Variants in EPRS1 observed in about 807,000 individuals in gnomAD.
EPRS1 encodes the protein glutamyl-prolyl-tRNA synthetase 1, also known as bifunctional glutamate/proline--tRNA ligase.
EPRS1 carries 107 observed loss-of-function variants against 188.3 expected under a neutral mutation model. That is an observed-to-expected ratio of 0.57 (90% confidence interval 0.49 to 0.67). The LOEUF is 0.67. Among genes scored for constraint, EPRS1 ranks in the 30% least tolerant of loss-of-function variants. The pLI, the probability that EPRS1 is intolerant of heterozygous loss-of-function variation, is 0.00. For missense variants in EPRS1, 1,577 were observed against 1,802.2 expected (o/e 0.88, Z 2.26); for synonymous variants, 596 against 593.1 (o/e 1.00, Z -0.07).
chr1:220,020,016 A>G lies in EPRS1; in HGVS notation c.1321T>C (p.Phe441Leu). 6.2e-7 allele frequency: 1 copy of G among 1,613,576 alleles called. No individual in the cohort carries two copies. The highest frequency in any genetic ancestry group is 8.5e-7 in the Non-Finnish European group (1 of 1,179,518). ...TVLSKRKLTW[F>L]VNEGLVDGWD... ...CCATCTACTAGTCCTTCATTGACAA[A>G]CCATGTGAGTTTTCTTTTGGATAGC... Residue 441 changes from phenylalanine (F) to leucine (L), a missense_variant, in exon 10 of 32, where the codon TTT becomes CTT. Coordinates refer to ENST00000366923, the MANE Select transcript of EPRS1 (RefSeq NM_004446.3).
intron 30 of EPRS1, among the ~76,000 whole-genome samples, chr1:219,970,151 A>T (rs2102557059): frequency 6.6e-6 from 1 of 152,308 alleles, no homozygotes; most frequent in Non-Finnish European, 1.5e-5. Flanking sequence ...CCCAGTTGTG[A>T]ATGCTAATTT....
chr1:220,046,063 G>T (rs987293542), intron 1 of EPRS1, among the ~76,000 whole-genome samples: 3 of 152,198 alleles, frequency 2.0e-5, no homozygotes, highest in African/African-American at 7.2e-5. Context: ...TCATCCCTCT[G>T]AGAAAAAGAT....
chr1:220,013,064 A>G (rs184565487), intron 12 of EPRS1, among the ~76,000 whole-genome samples: 1 of 152,348 alleles, frequency 6.6e-6, no homozygotes, highest in East Asian at 1.9e-4. Flanking sequence ...ACATTTTAAA[A>G]CTAAAGCAGT....
intron 30 of EPRS1, among the ~76,000 whole-genome samples, chr1:219,969,559 C>T (rs1043568021): frequency 6.6e-6 from 1 of 151,294 alleles, no homozygotes; most frequent in African/African-American, 2.4e-5. Flanking sequence ...CAACAATTAA[C>T]AATCACGCAA....
At chr1:220,025,798 T>A (rs77692582) in intron 6 of EPRS1, among the ~76,000 whole-genome samples, 5 of 151,524 alleles carry the variant, frequency 3.3e-5, no homozygotes, top group Admixed American at 1.3e-4. Flanking sequence ...AATAAAAGTT[T>A]TTTTTTTTTT....
rs1662405396 is a variant in EPRS1 at position 220,046,459 on chromosome 1, GGAA to G, written c.-74_-72del. On this transcript the variant is annotated 5_prime_UTR_variant, in exon 1 of 32. Coordinates refer to ENST00000366923, the MANE Select transcript of EPRS1 (RefSeq NM_004446.3). ...CAGAACTACGGAGGACCCCGCGAAA[GGAA>G]GAAGATGCAACGTGTGCGCGTACCC... 3.1e-6 allele frequency: 5 copies of G among 1,596,094 alleles called. No homozygotes were observed. The highest frequency in any genetic ancestry group is 1.1e-5 in the South Asian group (1 of 89,104).
chr1:219,980,726 A>G, intron 25 of EPRS1, 30 bp downstream of exon 25: 1 of 1,471,164 alleles, frequency 6.8e-7, no homozygotes, highest in Non-Finnish European at 9.5e-7. Context: ...ATAATGGAAC[A>G]TAGTTAATAT....
intron 28 of EPRS1, among the ~76,000 whole-genome samples, chr1:219,976,118 A>C (rs1363878808): frequency 3.9e-5 from 6 of 152,172 alleles, no homozygotes; most frequent in African/African-American, 1.4e-4. Context: ...GCTTTAAGGG[A>C]TCCTAATGGT....
chr1:219,973,605 A>AC (rs1445177250), intron 28 of EPRS1, among the ~76,000 whole-genome samples: 1 of 152,134 alleles, frequency 6.6e-6, no homozygotes, highest in East Asian at 1.9e-4. Flanking sequence ...AACCTAAAAA[A>AC]AAAATCTACT....
chr1:220,046,246 A>T, intron 1 of EPRS1, 97 bp downstream of exon 1: 1 of 1,456,090 alleles, frequency 6.9e-7, no homozygotes, highest in South Asian at 1.2e-5. Flanking sequence ...CCAGATGGTG[A>T]CCACCACTGC....
chr1:220,024,838 A>C (rs1421380831), intron 7 of EPRS1, among the ~76,000 whole-genome samples: 1 of 152,172 alleles, frequency 6.6e-6, no homozygotes. Flanking sequence ...TCATTCATAA[A>C]CTTAAGATTA....
chr1:219,980,824 G>T lies in EPRS1; in HGVS notation c.3487C>A (p.Arg1163Ser). Residue 1163 changes from arginine to serine, a missense_variant, in exon 25 of 32, where the codon CGT (arginine) becomes AGT (serine). This residue lies in a region of EPRS1 where 1,278 missense variants were observed against 1,457.4 expected (regional missense o/e 0.88). Coordinates refer to ENST00000366923, the MANE Select transcript of EPRS1 (RefSeq NM_004446.3). ...TCCTGCCAAAGAAATTCACGAGTACGTAGGAAAGGCTGAGGATGCTTGAAT... is the reference window on the plus strand; with the variant it reads ...TCCTGCCAAAGAAATTCACGAGTACTTAGGAAAGGCTGAGGATGCTTGAAT... ...WEFKHPQPFL[R>S]TREFLWQEGH... is the part of the protein sequence containing the mutation. 2.5e-6 allele frequency: 4 copies of T among 1,613,162 alleles called. No homozygotes were observed. Among genetic ancestry groups the T allele is most frequent in the South Asian group, 1.1e-5 (1 of 90,870 alleles).
intron 6 of EPRS1, among the ~76,000 whole-genome samples, chr1:220,025,992 A>C (rs2102592564): frequency 1.3e-5 from 2 of 152,216 alleles, no homozygotes; most frequent in East Asian, 3.9e-4. Context: ...ACGAGGTTTC[A>C]CCATGTTGGC....
rs35194885 is a variant in EPRS1, at chr1:220,017,901, C to T, written c.1494+548G>A. Among the ~76,000 whole-genome samples, 950 of 152,186 alleles carry T rather than the reference C, an allele frequency of 6.2e-3. 3 individuals are homozygous for T. The highest frequency in any genetic ancestry group is 9.4e-3 in the Non-Finnish European group (639 of 67,996). ...TTTAGAATTCTATGTCCTCTCAGCA[C>T]ACAAGGGAATGGGGTAGAATAGAGT... On this transcript the variant is annotated intron_variant, in intron 12 of 31. Coordinates refer to ENST00000366923, the MANE Select transcript of EPRS1 (RefSeq NM_004446.3).
rs911981258 is a variant in EPRS1 at position 219,984,193 on chromosome 1, A to C, written c.3090+13T>G. The C allele has an allele frequency of 3.1e-6, 5 of 1,605,932 alleles. No homozygotes were observed. The highest frequency in any genetic ancestry group is 2.7e-5 in the African/African-American group (2 of 74,780). ...AGACTTAAAACATAAAAATCAACTG[A>C]ATGCATACTCACCTGAGAATACCAA... On this transcript the variant is annotated intron_variant, in intron 21 of 31. Coordinates refer to ENST00000366923, the MANE Select transcript of EPRS1 (RefSeq NM_004446.3).
At chr1:219,983,591 T>G (rs1314279333) in intron 21 of EPRS1, among the ~76,000 whole-genome samples, 193 bp from the exon 22 acceptor site, 1 of 151,942 alleles carries the variant, frequency 6.6e-6, no homozygotes, top group Non-Finnish European at 1.5e-5. Flanking sequence ...GGTTCCAAAC[T>G]CTCCATAAAA....
chr1:220,028,080 TTG>T (rs1331024334), intron 6 of EPRS1, among the ~76,000 whole-genome samples: 1 of 151,984 alleles, frequency 6.6e-6, no homozygotes, highest in African/African-American at 2.4e-5. Flanking sequence ...TTTTGCAACT[TTG>T]TGTAAATCTA....
chr1:219,975,470 C>A (rs1558269638), intron 28 of EPRS1, among the ~76,000 whole-genome samples: 1 of 152,142 alleles, frequency 6.6e-6, no homozygotes, highest in Admixed American at 6.5e-5. Context: ...GAGTTTCGCT[C>A]TTGTCACCCA....
At chr1:219,995,579 T>C (rs1661214632) in intron 18 of EPRS1, among the ~76,000 whole-genome samples, 1 of 152,166 alleles carries the variant, frequency 6.6e-6, no homozygotes, top group African/African-American at 2.4e-5. Context: ...AAAGCTGTTT[T>C]AGATAATCAT....
Sources: gnomAD v4.1 joint callset for allele counts (sites outside exome capture counted in the v4.1 genomes callset) on GRCh38, gnomAD v4.1.1 for gene constraint, gnomAD v4.1.1 regional missense constraint, MANE v1.5 for transcripts, NCBI Gene and HGNC (gene_info 2026-07-23, HGNC 2026-07-21) for gene names.